Variants in SEC14L1 observed in about 807,000 individuals in gnomAD.
The protein encoded by SEC14L1 is SEC14 like lipid binding 1, also known as SEC14-like protein 1.
SEC14L1 carries 48 observed loss-of-function variants against 85.3 expected under a neutral mutation model. The ratio of observed to expected loss-of-function variants is 0.56; its 90% CI spans 0.45 to 0.72. The LOEUF (loss-of-function observed/expected upper bound fraction) is 0.72, where lower values mean the gene tolerates loss of function less well. SEC14L1 is among the 30% of genes least tolerant of loss of function. SEC14L1 has a pLI of 0.00. For missense variants in SEC14L1, 682 were observed against 921.4 expected (o/e 0.74, Z 3.36); for synonymous variants, 391 against 355.5 (o/e 1.10, Z -1.12).
chr17:77,146,767 A>C (rs1973330489), intron 3 of SEC14L1, among the ~76,000 whole-genome samples: 1 of 152,206 alleles, frequency 6.6e-6, no homozygotes, highest in Non-Finnish European at 1.5e-5. Context: ...AGTATAAAGA[A>C]AACATTTTTA....
chr17:77,101,141 C>T (rs1971768270), intron 3 of SEC14L1, among the ~76,000 whole-genome samples: 1 of 151,678 alleles, frequency 6.6e-6, no homozygotes, highest in Admixed American at 6.6e-5. Flanking sequence ...AGAAAGGGCT[C>T]TGTCCCAAGC....
intron 6 of SEC14L1, among the ~76,000 whole-genome samples, 197 bp from the exon 7 acceptor site, chr17:77,194,480 A>T (rs971630015): frequency 4.0e-5 from 6 of 151,850 alleles, no homozygotes; most frequent in African/African-American, 1.5e-4. Context: ...TGAGTCCAGG[A>T]GGTCAAGGGT....
At chr17:77,151,097 A>G (rs1973535900) in intron 3 of SEC14L1, among the ~76,000 whole-genome samples, 1 of 152,152 alleles carries the variant, frequency 6.6e-6, no homozygotes. Context: ...CCAGCAGCCT[A>G]ATGTGCAGTA....
At position 77,124,991 on chromosome 17, in the gene SEC14L1, ATTATTATTTTTATTATTATT is replaced by A. The variant is rs1567879060; in HGVS notation, c.-135-17654_-135-17635del. On this transcript the variant is annotated intron_variant, in intron 3 of 19. Transcript: ENST00000392476. ...TGGATTTACTATTATTATTATTATT[ATTATTATTTTTATTATTATT>A]ATATATTTTTTGAGGTAGAGTCTCG... Among the ~76,000 whole-genome samples the A allele has an allele frequency of 4.4e-3, 325 of 74,044 alleles. 2 individuals carry two copies. Among genetic ancestry groups the A allele is most frequent in the African/African-American group, 0.012 (299 of 24,298 alleles). The allele number at this position is 74,044 out of a possible 152,430, so 48.6% of individuals were successfully genotyped here.
chr17:77,123,814 G>A (rs965195781), intron 3 of SEC14L1, among the ~76,000 whole-genome samples: 8 of 152,192 alleles, frequency 5.3e-5, no homozygotes, highest in Admixed American at 5.2e-4. Context: ...TTGTGGAGTG[G>A]GGTGGACACC....
At chr17:77,090,027 A>C (rs1598204702) in intron 2 of SEC14L1, 1 of 148,900 alleles carries the variant, frequency 6.7e-6, no homozygotes, top group East Asian at 2.0e-4. Flanking sequence ...CCGAGAAAAA[A>C]AAAAAAAAGT....
intron 3 of SEC14L1, among the ~76,000 whole-genome samples, chr17:77,154,306 A>G (rs779648342): frequency 1.3e-5 from 2 of 152,140 alleles, no homozygotes; most frequent in Non-Finnish European, 2.9e-5. Context: ...CTCTGTCTCT[A>G]TGATAAACTG....
rs1475776651 is a variant in SEC14L1, at chr17:77,206,600, T to C, written c.1342-128T>C. 1.6e-6 allele frequency: 2 copies of C among 1,271,332 alleles called. No individual in the cohort carries two copies. Among genetic ancestry groups the C allele is most frequent in the Non-Finnish European group, 1.1e-6 (1 of 915,446 alleles). 78.8% of individuals were successfully genotyped at this position (1,271,332 alleles called of 1,614,324 possible). On this transcript the variant is annotated intron_variant, in intron 12 of 16. Coordinates refer to ENST00000436233, the MANE Select transcript of SEC14L1 (RefSeq NM_001143998.2). The surrounding 1 kb of genome is among the most constrained non-coding windows in gnomAD (Gnocchi z 4.3). ...GTCCTAATGCCATGCAAATAGACTT[T>C]ACAGAAGAAGTATATAAACTTGAAT...
chr17:77,191,403 G>A, intron 5 of SEC14L1, 91 bp downstream of exon 5: 2 of 1,409,464 alleles, frequency 1.4e-6, no homozygotes, highest in South Asian at 1.2e-5. Context: ...GCATCTTTTT[G>A]TCTTAGAGGG....
intron 3 of SEC14L1, among the ~76,000 whole-genome samples, chr17:77,096,471 C>T (rs1971648170): frequency 6.6e-6 from 1 of 151,730 alleles, no homozygotes; most frequent in South Asian, 2.1e-4. Context: ...GCAGGAGAAC[C>T]GCATGAACCT....
chr17:77,196,055 A>T, intron 7 of SEC14L1, 147 bp from the exon 8 acceptor site: 1 of 624,054 alleles, frequency 1.6e-6, no homozygotes, highest in Non-Finnish European at 2.9e-6. Flanking sequence ...CAAGTCCTCT[A>T]AGGAATCTGG....
chr17:77,212,684 C>T (rs1983158), intron 15 of SEC14L1: 26,526 of 171,794 alleles, frequency 0.15, 2,631 homozygotes, highest in Non-Finnish European at 0.21. Flanking sequence ...ACAGTAGCCT[C>T]GGGGCGGGGG....
intron 3 of SEC14L1, among the ~76,000 whole-genome samples, chr17:77,147,619 C>G (rs897293680): frequency 6.6e-6 from 1 of 152,138 alleles, no homozygotes; most frequent in African/African-American, 2.4e-5. Context: ...ATCTGATTCT[C>G]GAGTTTAGTG....
intron 3 of SEC14L1, among the ~76,000 whole-genome samples, chr17:77,188,107 T>G (rs1255859939): frequency 6.6e-6 from 1 of 152,222 alleles, no homozygotes; most frequent in Non-Finnish European, 1.5e-5. Context: ...TAATATTGAA[T>G]AATTTAATTA....
intron 9 of SEC14L1, among the ~76,000 whole-genome samples, chr17:77,201,363 C>G (rs906662256): frequency 6.6e-6 from 1 of 152,106 alleles, no homozygotes; most frequent in Non-Finnish European, 1.5e-5. Context: ...CAAGTCCTTG[C>G]AGAACCGAGC....
rs202169419 is a variant in SEC14L1, at chr17:77,212,048, G to A, written c.1710G>A (p.Ser570=). The A allele has an allele frequency of 1.2e-5, 19 of 1,614,074 alleles. 1 individual carries two copies. The highest frequency in any genetic ancestry group is 3.3e-4 in the Middle Eastern group (2 of 6,060). ...TTAACATCTATCACTCCAAGAGGTC[G>A]CCACAACCACCCAAAAAGGACTCCC... ...IVFNIYHSKR[S]PQPPKKDSLG... is the part of the protein sequence containing the mutation. The change falls in exon 15 of 17, where the codon TCG becomes TCA. Residue 570 remains serine (S), a synonymous_variant. Coordinates refer to ENST00000436233, the MANE Select transcript of SEC14L1 (RefSeq NM_001143998.2).
chr17:77,094,102 G>A (rs150793676), intron 3 of SEC14L1: 1 of 152,220 alleles, frequency 6.6e-6, no homozygotes. Flanking sequence ...GGAGTGCGGT[G>A]GTGTGACCTC....
chr17:77,125,340 CTCT>C (rs981319663), intron 3 of SEC14L1, among the ~76,000 whole-genome samples: 3 of 151,760 alleles, frequency 2.0e-5, no homozygotes, highest in African/African-American at 4.8e-5. Context: ...GAAAAAAAAA[CTCT>C]TCTTATTATT....
At chr17:77,203,503 C>T in intron 9 of SEC14L1, 67 bp from the exon 10 acceptor site, 1 of 1,372,376 alleles carries the variant, frequency 7.3e-7, no homozygotes. Flanking sequence ...TGTTAAGGGT[C>T]TTAGAGTTGT....
Sources: gnomAD v4.1 joint callset for allele counts (sites outside exome capture counted in the v4.1 genomes callset) on GRCh38, gnomAD v4.1.1 for gene constraint, Gnocchi (gnomAD v3.1) non-coding constraint, MANE v1.5 for transcripts, NCBI Gene and HGNC (gene_info 2026-07-23, HGNC 2026-07-21) for gene names.